GAK: variants seen among roughly 807,000 people sequenced by gnomAD.
GAK encodes the protein cyclin G associated kinase, also known as cyclin-G-associated kinase.
A neutral mutation model predicts 143.9 loss-of-function variants in GAK; 79 were observed. That is an observed-to-expected ratio of 0.55 (90% CI 0.46 to 0.66). The LOEUF (loss-of-function observed/expected upper bound fraction) is 0.66. Ranked by LOEUF, GAK falls within the 30% of genes least tolerant of loss-of-function variation. The pLI is 0.00. For missense variants in GAK, 1,693 were observed against 1,779.7 expected, an observed-to-expected ratio of 0.95 and a Z score of 0.88; for synonymous variants, 881 against 765.5, an observed-to-expected ratio of 1.15 and a Z score of -2.49.
At chr4:906,225 C>A (rs900793399) in intron 4 of GAK, among the ~76,000 whole-genome samples, 1 of 152,224 alleles carries the variant, frequency 6.6e-6, no homozygotes, top group Non-Finnish European at 1.5e-5. Flanking sequence ...TCCTGGCAAC[C>A]GAGCCAGGCA....
chr4:872,987 C>T (rs1311032564), intron 18 of GAK, among the ~76,000 whole-genome samples: 5 of 151,970 alleles, frequency 3.3e-5, no homozygotes, highest in Non-Finnish European at 7.4e-5. Flanking sequence ...GGCGCAGGCT[C>T]ACCACGCAGG....
At chr4:920,633 TC>T (rs1449299400) in intron 1 of GAK, among the ~76,000 whole-genome samples, 4 of 138,910 alleles carry the variant, frequency 2.9e-5, no homozygotes, top group African/African-American at 1.1e-4. Context: ...AACCTCCGCC[TC>T]CCGGGTTCAA....
chr4:925,090 C>A lies in GAK; in HGVS notation c.145+6953G>T, dbSNP rs113340362. Among the ~76,000 whole-genome samples, 64 of 152,282 alleles carry A rather than the reference C, an allele frequency of 4.2e-4. 1 individual carries two copies. Among genetic ancestry groups the A allele is most frequent in the African/African-American group, 1.1e-3 (44 of 41,550 alleles). On this transcript the variant is annotated intron_variant, in intron 1 of 27. Transcript: ENST00000314167. Reference sequence around the variant, plus strand: ...AAAATAAGAATAAAAAAATAACAGGCACAGGATATGAATGTGCAATGCCAG... The same window carrying A: ...AAAATAAGAATAAAAAAATAACAGGAACAGGATATGAATGTGCAATGCCAG...
rs142966472 is a variant in GAK, at chr4:851,780, C to G, written c.3478G>C (p.Glu1160Gln). The G allele has an allele frequency of 3.7e-4, 600 of 1,613,018 alleles. 2 individuals carry two copies. The highest frequency in any genetic ancestry group is 2.5e-4 in the Non-Finnish European group (296 of 1,179,604). Residue 1160 changes from glutamate to glutamine, a missense_variant, in exon 25 of 28, where the codon GAG (glutamate) becomes CAG (glutamine). Physicochemically the swap from Glu to Gln is conservative, Grantham distance 29. Coordinates refer to ENST00000314167, the MANE Select transcript of GAK (RefSeq NM_005255.4). ...ASNFSVIGAR[E>Q]ERGVRAPSFA... is the part of the protein sequence containing the mutation. ...CTGGGTGCGCGGACCCCCCGCTCCTCCCGCGCCCCGATCACACTGAAGTTC... is the reference window on the plus strand; with the variant it reads ...CTGGGTGCGCGGACCCCCCGCTCCTGCCGCGCCCCGATCACACTGAAGTTC...
chr4:857,672 C>G (rs1749535145), intron 24 of GAK, among the ~76,000 whole-genome samples: 1 of 152,174 alleles, frequency 6.6e-6, no homozygotes, highest in African/African-American at 2.4e-5. Context: ...ATATCGATGA[C>G]CTGGGTCACT....
chr4:880,857 C>A (rs532113400), intron 15 of GAK, among the ~76,000 whole-genome samples: 2 of 152,348 alleles, frequency 1.3e-5, no homozygotes, highest in South Asian at 4.1e-4. Context: ...AGCCCAGCCA[C>A]ATGCCACAGG....
intron 9 of GAK, among the ~76,000 whole-genome samples, chr4:892,434 C>T (rs1488602533): frequency 6.6e-6 from 1 of 152,180 alleles, no homozygotes; most frequent in African/African-American, 2.4e-5. Context: ...TGCTCTGCCT[C>T]GAGGATCTGG....
In GAK at chr4:884,020, T is replaced by A; in HGVS notation, c.1255+17A>T. On this transcript the variant is annotated intron_variant, in intron 12 of 27. Transcript: ENST00000314167. ...AAGGGCCGGGGCGCGTCCCACAGCC[T>A]CATGTGGCACGCATACCTGCAATTC... 6.2e-7 allele frequency: 1 copy of A among 1,611,428 alleles called. No homozygotes were observed. Among genetic ancestry groups the A allele is most frequent in the Non-Finnish European group, 8.5e-7 (1 of 1,177,796 alleles).
chr4:860,855 C>T (rs971136551), intron 23 of GAK, among the ~76,000 whole-genome samples: 3 of 152,244 alleles, frequency 2.0e-5, no homozygotes, highest in Non-Finnish European at 2.9e-5. Flanking sequence ...CGGAGCTCTG[C>T]AGACAGTGTG....
At chr4:865,868 C>T (rs1751079907) in intron 22 of GAK, among the ~76,000 whole-genome samples, 1 of 152,384 alleles carries the variant, frequency 6.6e-6, no homozygotes, top group South Asian at 2.1e-4. Flanking sequence ...CAGGGCCTGG[C>T]CCCACCGGCG....
chr4:877,170 G>A lies in GAK; in HGVS notation c.1894C>T (p.Leu632=). The A allele has an allele frequency of 1.2e-6, 2 of 1,613,918 alleles. No individual in the cohort carries two copies. Among genetic ancestry groups the A allele is most frequent in the Non-Finnish European group, 1.7e-6 (2 of 1,179,842 alleles). The change falls in exon 17 of 28, where the codon CTG becomes TTG. Residue 632 remains leucine, a synonymous_variant. Transcript: ENST00000314167. ...KIEDGKAVIP[L]GVTVQGDVLI... is the part of the protein sequence containing the mutation. ...ACGTCTCCTTGCACCGTGACGCCCAGGGGAATCACCGCTTTGCCATCTTCA... is the reference window on the plus strand; with the variant it reads ...ACGTCTCCTTGCACCGTGACGCCCAAGGGAATCACCGCTTTGCCATCTTCA...
intron 24 of GAK, chr4:859,267 G>C: frequency 1.6e-6 from 2 of 1,242,148 alleles, no homozygotes; most frequent in Non-Finnish European, 2.1e-6. Context: ...CACAGCCTCG[G>C]GGACTGAGCA....
intron 2 of GAK, 146 bp from the exon 3 acceptor site, chr4:912,940 A>G: frequency 1.9e-6 from 1 of 533,982 alleles, no homozygotes; most frequent in South Asian, 3.5e-5. Flanking sequence ...TCCACCTCTG[A>G]CCCCTGTAAA....
chr4:851,138 C>T, intron 25 of GAK, 54 bp from the exon 26 acceptor site: 1 of 1,514,860 alleles, frequency 6.6e-7, no homozygotes, highest in Non-Finnish European at 9.1e-7. Flanking sequence ...CACTCTGTCA[C>T]CCAGGCCAGA....
At chr4:924,383 G>C (rs189803537) in intron 1 of GAK, among the ~76,000 whole-genome samples, 145 of 152,204 alleles carry the variant, frequency 9.5e-4, no homozygotes, top group African/African-American at 3.2e-3. Context: ...CGTGGAAGGA[G>C]GTTTGGTTGT....
At chr4:896,886 G>A (rs779594417) in intron 6 of GAK, among the ~76,000 whole-genome samples, 7 of 152,264 alleles carry the variant, frequency 4.6e-5, no homozygotes, top group African/African-American at 7.2e-5. Flanking sequence ...CCTGGCACAA[G>A]GGCCCCGCTC....
chr4:890,584 C>G lies in GAK; in HGVS notation c.1029G>C (p.Leu343=), dbSNP rs1179938936. Residue 343 remains leucine (L), a synonymous_variant, in exon 10 of 28, where the codon CTG becomes CTC. Transcript: ENST00000314167. ...EQNGGYGSAT[L]SRGPPPPVGP... is the part of the protein sequence containing the mutation. ...CCACGGGAGGGGGTGGCCCTCGGGA[C>G]AGTGTGGCGCTCCCGTAGCCTCCAT... 9 of 1,611,556 alleles carry G rather than the reference C, an allele frequency of 5.6e-6. No homozygotes were observed. Among genetic ancestry groups the G allele is most frequent in the African/African-American group, 1.3e-5 (1 of 74,898 alleles).
intron 3 of GAK, chr4:912,269 C>T (rs1049343176): frequency 3.6e-5 from 15 of 422,268 alleles, no homozygotes; most frequent in Non-Finnish European, 5.9e-5. Context: ...GAGTGCAGCC[C>T]CCAGATCCTC....
intron 7 of GAK, chr4:894,757 T>G (rs1045134731): frequency 6.6e-6 from 1 of 151,640 alleles, no homozygotes; most frequent in Non-Finnish European, 1.5e-5. Flanking sequence ...CCGAGGCGGG[T>G]GGATGACAAG....
Sources: allele counts gnomAD v4.1 joint callset (sites outside exome capture counted in the v4.1 genomes callset), GRCh38; gene constraint gnomAD v4.1.1; transcripts MANE v1.5; gene names NCBI Gene and HGNC (gene_info 2026-07-23, HGNC 2026-07-21).